Variants in TBL1X observed in about 807,000 individuals in gnomAD.
TBL1X encodes the protein transducin beta like 1 X-linked.
TBL1X carries 10 observed loss-of-function variants against 50.7 expected under a neutral mutation model. The ratio of observed to expected loss-of-function variants is 0.20; its 90% CI spans 0.12 to 0.33. TBL1X has a LOEUF of 0.33. Ranked by LOEUF, TBL1X falls within the 10% of genes least tolerant of loss-of-function variation. TBL1X has a pLI of 1.00. For missense variants in TBL1X, 340 were observed against 504.4 expected (o/e 0.67, Z 3.12); for synonymous variants, 190 against 214.7 (o/e 0.88, Z 1.01).
chrX:9,702,239 C>T (rs1218443733), intron 12 of TBL1X, among the ~76,000 whole-genome samples: 2 of 107,870 alleles, frequency 1.9e-5, no homozygotes, highest in African/African-American at 3.4e-5. Context: ...AGTTTGAGAC[C>T]AGCCAGGGCA....
intron 12 of TBL1X, among the ~76,000 whole-genome samples, chrX:9,700,490 C>T (rs1364975528): frequency 8.9e-6 from 1 of 112,117 alleles, no homozygotes; most frequent in Non-Finnish European, 1.9e-5. Flanking sequence ...AGCTTCTCAC[C>T]TGTGATCTGG....
chrX:9,483,509 G>T (rs1317216283), intron 1 of TBL1X, among the ~76,000 whole-genome samples: 1 of 111,879 alleles, frequency 8.9e-6, no homozygotes, highest in Non-Finnish European at 1.9e-5. Context: ...TCTGTTCCCT[G>T]AAGAACCAGT....
chrX:9,488,711 T>C (rs975867368), intron 1 of TBL1X, among the ~76,000 whole-genome samples: 1 of 112,002 alleles, frequency 8.9e-6, no homozygotes, highest in African/African-American at 3.3e-5. Context: ...TTTGTTTCTG[T>C]CTCTTAATTT....
intron 1 of TBL1X, among the ~76,000 whole-genome samples, chrX:9,494,482 A>G (rs1358302355): frequency 8.9e-6 from 1 of 111,765 alleles, no homozygotes; most frequent in African/African-American, 3.3e-5. Flanking sequence ...ATAAGCTTGA[A>G]CCATGGTGAC....
chrX:9,474,628 A>G (rs1194727708), intron 1 of TBL1X, among the ~76,000 whole-genome samples: 2 of 113,285 alleles, frequency 1.8e-5, no homozygotes, highest in African/African-American at 6.4e-5. Flanking sequence ...ACCTGTTTGC[A>G]GGTCCACAAG....
At chrX:9,473,090 A>G (rs2081827853) in intron 1 of TBL1X, among the ~76,000 whole-genome samples, 2 of 111,046 alleles carry the variant, frequency 1.8e-5, no homozygotes, top group African/African-American at 6.6e-5. Context: ...TTGAGTGGAG[A>G]ACTGTCGCCA....
At position 9,544,276 on chromosome X, in the gene TBL1X, A is replaced by G. The variant is rs192726815; in HGVS notation, c.-131+42427A>G. On this transcript the variant is annotated intron_variant, in intron 2 of 17. Transcript: ENST00000645353. ...TCCTAGTGGAAGAGCTTGGGGCCCC[A>G]TGGTGTCTGGAAAGCGGGCTCCACT... is the stretch of plus-strand genomic sequence containing the variant. Among the ~76,000 whole-genome samples the G allele has an allele frequency of 7.1e-4, 80 of 111,940 alleles. 1 individual carries two copies. Among genetic ancestry groups the G allele is most frequent in the Non-Finnish European group, 5.1e-4 (27 of 53,112 alleles).
intron 2 of TBL1X, among the ~76,000 whole-genome samples, chrX:9,534,365 G>A (rs149487557): frequency 0.029 from 3,241 of 110,960 alleles, 116 homozygotes; most frequent in African/African-American, 0.1. Context: ...TAGTGGCCAC[G>A]TATTATTCGT....
intron 2 of TBL1X, among the ~76,000 whole-genome samples, chrX:9,510,912 T>C (rs2082052366): frequency 9.0e-6 from 1 of 111,617 alleles, no homozygotes; most frequent in Non-Finnish European, 1.9e-5. Context: ...ACCAGTTCCT[T>C]AGAATCTGTC....
At chrX:9,645,393 C>A (rs185187718) in intron 3 of TBL1X, 1 of 112,188 alleles carries the variant, frequency 8.9e-6, no homozygotes, top group African/African-American at 3.2e-5. Flanking sequence ...TATGAGTAGT[C>A]CATGTTCAGA....
chrX:9,668,502 G>C (rs1368457050), intron 5 of TBL1X, among the ~76,000 whole-genome samples: 2 of 112,099 alleles, frequency 1.8e-5, no homozygotes, highest in Non-Finnish European at 3.8e-5. Context: ...AATTGAATAA[G>C]ATAAACTTGT....
chrX:9,584,035 G>C (rs981239507), intron 2 of TBL1X, among the ~76,000 whole-genome samples: 1 of 112,433 alleles, frequency 8.9e-6, no homozygotes, highest in African/African-American at 3.2e-5. Flanking sequence ...CAGATGAAAA[G>C]TGTAAGGTAC....
rs778618216 is a variant in TBL1X, at chrX:9,602,075, A to G, written c.-130-38198A>G. Among the ~76,000 whole-genome samples the G allele has an allele frequency of 4.0e-4, 45 of 112,021 alleles. 1 individual carries two copies. In the South Asian group the frequency reaches 0.016, roughly 41 times the overall value. ...ACAAAAAGAAAGAAATATTGACACT[A>G]TCTGTCCGCAAAAGGTCAAAGGCAT... On this transcript the variant is annotated intron_variant, in intron 2 of 17. Coordinates refer to ENST00000645353, the MANE Select transcript of TBL1X (RefSeq NM_005647.4).
intron 5 of TBL1X, among the ~76,000 whole-genome samples, chrX:9,663,679 G>A (rs1358727127): frequency 9.2e-6 from 1 of 108,683 alleles, no homozygotes; most frequent in East Asian, 2.9e-4. Context: ...GAGAAACGCT[G>A]GAACCCAGGA....
At chrX:9,520,156 C>A (rs1408260270) in intron 2 of TBL1X, among the ~76,000 whole-genome samples, 1 of 111,975 alleles carries the variant, frequency 8.9e-6, no homozygotes, top group Non-Finnish European at 1.9e-5. Flanking sequence ...TTCCTCTCCC[C>A]GCACCTTCCT....
chrX:9,605,510 A>C (rs2082578694), intron 2 of TBL1X, among the ~76,000 whole-genome samples: 1 of 112,807 alleles, frequency 8.9e-6, no homozygotes. Context: ...AATAAATCAG[A>C]CAAGTTTAGG....
At chrX:9,627,194 A>G (rs889512158) in intron 2 of TBL1X, among the ~76,000 whole-genome samples, 2 of 111,949 alleles carry the variant, frequency 1.8e-5, no homozygotes, top group Non-Finnish European at 3.8e-5. Context: ...TGCACAGATC[A>G]AAAGTGAAAT....
intron 2 of TBL1X, among the ~76,000 whole-genome samples, chrX:9,598,208 C>T (rs570328715): frequency 9.0e-6 from 1 of 111,549 alleles, no homozygotes; most frequent in African/African-American, 3.3e-5. Flanking sequence ...ACTCCAGAAC[C>T]GTGAGAGAGT....
At chrX:9,680,678 T>A in intron 5 of TBL1X, among the ~76,000 whole-genome samples, 1 of 111,426 alleles carries the variant, frequency 9.0e-6, no homozygotes, top group Non-Finnish European at 1.9e-5. Flanking sequence ...CATGTAGAGA[T>A]CCATTCAGAG....
Sources: gnomAD v4.1 joint callset for allele counts (sites outside exome capture counted in the v4.1 genomes callset) on GRCh38, gnomAD v4.1.1 for gene constraint, MANE v1.5 for transcripts, NCBI Gene and HGNC (gene_info 2026-07-23, HGNC 2026-07-21) for gene names.